The following SLC35F5 variants were observed in gnomAD, a reference collection of about 807,000 sequenced individuals.
SLC35F5 encodes the protein HCV NS5A-transactivated protein 3.
Under a neutral mutation model 68.6 loss-of-function variants are expected in SLC35F5, and 54 were observed. The ratio of observed to expected loss-of-function variants is 0.79; its 90% CI spans 0.63 to 0.99. The LOEUF is 0.99. Among genes scored for constraint, SLC35F5 ranks in the 50% least tolerant of loss-of-function variants. The probability of loss-of-function intolerance (pLI) is 0.00; values close to 1 mark genes in which losing one functional copy is unlikely to be tolerated. For missense variants in SLC35F5, 567 were observed against 626.9 expected (o/e 0.90, Z 1.02); for synonymous variants, 211 against 205.2 (o/e 1.03, Z -0.24).
intron 3 of SLC35F5, among the ~76,000 whole-genome samples, chr2:113,752,143 C>T (rs1001068102): frequency 2.7e-5 from 4 of 147,704 alleles, no homozygotes; most frequent in African/African-American, 1.0e-4. Flanking sequence ...ACCTGGGAGG[C>T]GGAGATTGCA....
intron 6 of SLC35F5, 122 bp from the exon 7 acceptor site, chr2:113,743,001 A>C: frequency 1.1e-6 from 1 of 925,052 alleles, no homozygotes; most frequent in Non-Finnish European, 1.6e-6. Context: ...GTCAAAGTAA[A>C]CCAAAAAGAG....
rs201091084 is a variant in SLC35F5 at position 113,746,937 on chromosome 2, A to G, written c.418-598T>C. Among the ~76,000 whole-genome samples the G allele has an allele frequency of 2.8e-3, 430 of 151,836 alleles. 15 individuals are homozygous for G. In the East Asian group the frequency reaches 0.065, roughly 23 times the overall value. On this transcript the variant is annotated intron_variant, in intron 4 of 15. Transcript: ENST00000245680. ...ATTACGTCTCAAAAAAAGAAAAAAA[A>G]AAAAAAAGGTAAGAAACATCTTGGT... is the stretch of plus-strand genomic sequence containing the variant.
intron 15 of SLC35F5, 123 bp from the exon 16 acceptor site, chr2:113,715,318 C>T (rs1439575753): frequency 6.6e-6 from 1 of 152,138 alleles, no homozygotes; most frequent in African/African-American, 2.4e-5. Flanking sequence ...TGTATACATA[C>T]TTAATAACTG....
intron 1 of SLC35F5, 196 bp from the exon 2 acceptor site, chr2:113,755,740 C>A: frequency 1.8e-6 from 2 of 1,085,948 alleles, no homozygotes; most frequent in South Asian, 2.7e-5. Flanking sequence ...TAGAGAGATA[C>A]GCGATACGGG....
At chr2:113,721,685 G>GT (rs1455849265) in intron 13 of SLC35F5, among the ~76,000 whole-genome samples, 2 of 151,958 alleles carry the variant, frequency 1.3e-5, no homozygotes, top group Non-Finnish European at 2.9e-5. Context: ...AACCAGTTTG[G>GT]TTCATATTCA....
At chr2:113,744,469 C>T (rs1207165254) in intron 5 of SLC35F5, among the ~76,000 whole-genome samples, 5 of 151,974 alleles carry the variant, frequency 3.3e-5, no homozygotes, top group Non-Finnish European at 5.9e-5. Flanking sequence ...AGAATATGGC[C>T]GGCACAGTGG....
chr2:113,708,205 T>C lies in SLC35F5; in HGVS notation c.*7013A>G, dbSNP rs1454592317. Reference sequence around the variant, plus strand: ...CCAATCAACTAGCTACAGTTTTTATTGTATGCAATCTTCCCAACATTGCAG... The same window carrying C: ...CCAATCAACTAGCTACAGTTTTTATCGTATGCAATCTTCCCAACATTGCAG... On this transcript the variant is annotated 3_prime_UTR_variant, in exon 16 of 16. Transcript: ENST00000245680. Among the ~76,000 whole-genome samples, 1 of 152,190 alleles carries C rather than the reference T, an allele frequency of 6.6e-6. No individual in the cohort carries two copies. The highest frequency in any genetic ancestry group is 2.4e-5 in the African/African-American group (1 of 41,444).
chr2:113,732,464 G>T (rs984898736), intron 9 of SLC35F5, among the ~76,000 whole-genome samples: 18 of 152,062 alleles, frequency 1.2e-4, no homozygotes, highest in African/African-American at 4.3e-4. Flanking sequence ...ACCCTGATGA[G>T]AAAGACCAGT....
intron 11 of SLC35F5, among the ~76,000 whole-genome samples, chr2:113,727,309 T>C (rs1438296475): frequency 6.6e-5 from 10 of 152,124 alleles, no homozygotes; most frequent in Admixed American, 5.9e-4. Context: ...TAGTTCTTTA[T>C]AGCAGTGTGA....
At position 113,756,355 on chromosome 2, in the gene SLC35F5, TC is replaced by T. The variant is rs1676990638; in HGVS notation, c.40+14del. 6.4e-7 allele frequency: 1 copy of T among 1,570,214 alleles called. No individual in the cohort carries two copies. Among genetic ancestry groups the T allele is most frequent in the Non-Finnish European group, 8.6e-7 (1 of 1,158,456 alleles). ...TGGGCTCCGGTGATGTCGGGGCCCT[TC>T]CCTGCCTGCCTACCTGGCCTTCCTG... On this transcript the variant is annotated intron_variant, in intron 1 of 15. Coordinates refer to ENST00000245680, the MANE Select transcript of SLC35F5 (RefSeq NM_025181.5).
intron 15 of SLC35F5, among the ~76,000 whole-genome samples, chr2:113,716,962 G>A (rs1687206017): frequency 1.3e-5 from 2 of 152,166 alleles, no homozygotes; most frequent in African/African-American, 4.8e-5. Flanking sequence ...GTTGTACAAT[G>A]TTCTAGATAG....
intron 13 of SLC35F5, 80 bp downstream of exon 13, chr2:113,723,024 T>C: frequency 2.2e-6 from 2 of 916,522 alleles, no homozygotes; most frequent in Non-Finnish European, 1.6e-6. Context: ...ATCCTTATAA[T>C]TTAATCACAT....
chr2:113,709,459 G>A lies in SLC35F5; in HGVS notation c.*5759C>T, dbSNP rs889484917. 8.5e-5 allele frequency among the ~76,000 whole-genome samples: 13 copies of A among 152,212 alleles called. No homozygotes were observed. The highest frequency in any genetic ancestry group is 1.8e-4 in the Non-Finnish European group (12 of 68,038). On this transcript the variant is annotated 3_prime_UTR_variant, in exon 16 of 16. Coordinates refer to ENST00000245680, the MANE Select transcript of SLC35F5 (RefSeq NM_025181.5). ...GAAGAGTGAGGGAAGGACGGACCAT[G>A]GGAGTCAGCATTTTTCAAGCATCCA...
intron 8 of SLC35F5, among the ~76,000 whole-genome samples, chr2:113,735,201 G>A (rs1688039298): frequency 6.6e-6 from 1 of 152,180 alleles, no homozygotes; most frequent in Non-Finnish European, 1.5e-5. Flanking sequence ...CTATAAAACT[G>A]TAATATGTTG....
chr2:113,756,219 T>A (rs1255798703), intron 1 of SLC35F5, 151 bp downstream of exon 1: 10 of 1,513,466 alleles, frequency 6.6e-6, no homozygotes, highest in Admixed American at 2.1e-5. Context: ...CCGGCGCCCC[T>A]GTCAGCTCCC....
Position 113,708,286 on chromosome 2 carries a change from T to C in SLC35F5, c.*6932A>G, listed in dbSNP as rs1686857750. 6.6e-6 allele frequency among the ~76,000 whole-genome samples: 1 copy of C among 152,244 alleles called. No individual in the cohort carries two copies. Among genetic ancestry groups the C allele is most frequent in the African/African-American group, 2.4e-5 (1 of 41,466 alleles). ...AAAGAACCCCGGTTGTGATTATTTT[T>C]TTCTAACAAAATGGAATTAAAAGAT... On this transcript the variant is annotated 3_prime_UTR_variant, in exon 16 of 16. Coordinates refer to ENST00000245680, the MANE Select transcript of SLC35F5 (RefSeq NM_025181.5).
At chr2:113,719,064 C>G in intron 14 of SLC35F5, 90 bp downstream of exon 14, 1 of 1,232,354 alleles carries the variant, frequency 8.1e-7, no homozygotes, top group South Asian at 1.5e-5. Flanking sequence ...TAATTCCTCA[C>G]AAAATCTCTA....
At chr2:113,751,530 C>A (rs1676738188) in intron 3 of SLC35F5, among the ~76,000 whole-genome samples, 1 of 152,154 alleles carries the variant, frequency 6.6e-6, no homozygotes. Flanking sequence ...ATGGCTCTGG[C>A]CAGGCACAGT....
rs935390633 is a variant in SLC35F5, at chr2:113,713,520, G to T, written c.*1698C>A. 6.6e-6 allele frequency: 1 copy of T among 152,116 alleles called. No homozygotes were observed. The highest frequency in any genetic ancestry group is 6.5e-5 in the Admixed American group (1 of 15,280). 9.4% of individuals were successfully genotyped at this position (152,116 alleles called of 1,614,324 possible). A position where few individuals can be genotyped will look rare whatever the true frequency, so the allele number is the denominator to read the frequency against. ...CGAACAGCAAAAACAAAAAGTAGAG[G>T]TATCTAGATTATAAACTTCAACCAA... On this transcript the variant is annotated 3_prime_UTR_variant, in exon 16 of 16. Coordinates refer to ENST00000245680, the MANE Select transcript of SLC35F5 (RefSeq NM_025181.5).
Sources: gnomAD v4.1 joint callset for allele counts (sites outside exome capture counted in the v4.1 genomes callset) on GRCh38, gnomAD v4.1.1 for gene constraint, MANE v1.5 for transcripts, NCBI Gene and HGNC (gene_info 2026-07-23, HGNC 2026-07-21) for gene names.